SNX29: variants seen among roughly 807,000 people sequenced by gnomAD.
SNX29 encodes the protein sorting nexin 29.
A neutral mutation model predicts 102.1 loss-of-function variants in SNX29; 78 were observed. The observed-to-expected ratio is 0.76, with a 90% confidence interval of 0.64 to 0.92. The LOEUF (loss-of-function observed/expected upper bound fraction) is 0.92, where lower values mean the gene tolerates loss of function less well. Among genes scored for constraint, SNX29 ranks in the 40% least tolerant of loss-of-function variants. The pLI is 0.00. For synonymous variants in SNX29, 580 were observed against 414.5 expected (o/e 1.40, Z -4.85); for missense variants, 1,280 against 1,061.7 (o/e 1.21, Z -2.86).
rs531497842 is a variant in SNX29, at chr16:12,356,289, T to C, written c.1899+10T>C. On this transcript the variant is annotated intron_variant, in intron 16 of 20. Transcript: ENST00000566228. ...CGATCTCCGGGGACCGGTGAGTGTT[T>C]CCCCAACCCTGTGTGTCTGTCAAGC... is the stretch of plus-strand genomic sequence containing the variant. The C allele has an allele frequency of 1.3e-6, 2 of 1,585,534 alleles. No homozygotes were observed. The highest frequency in any genetic ancestry group is 1.7e-6 in the Non-Finnish European group (2 of 1,166,332).
chr16:12,357,812 C>G (rs982427298), intron 16 of SNX29, among the ~76,000 whole-genome samples: 2 of 152,220 alleles, frequency 1.3e-5, no homozygotes, highest in Non-Finnish European at 2.9e-5. Flanking sequence ...CTCTCCCCTT[C>G]TCTCTCATAA....
chr16:12,066,948 T>A (rs1403649134), intron 9 of SNX29, among the ~76,000 whole-genome samples: 8 of 151,262 alleles, frequency 5.3e-5, no homozygotes, highest in Admixed American at 1.3e-4. Flanking sequence ...AGTTTGAGAC[T>A]GGTCTGGGCA....
intron 19 of SNX29, among the ~76,000 whole-genome samples, chr16:12,479,506 C>T (rs1207964024): frequency 6.6e-6 from 1 of 152,200 alleles, no homozygotes; most frequent in African/African-American, 2.4e-5. Context: ...AGGTTTATCC[C>T]AGGCCCAGAA....
chr16:12,511,879 C>G (rs11648795), intron 19 of SNX29, among the ~76,000 whole-genome samples: 17,151 of 152,006 alleles, frequency 0.11, 1,059 homozygotes, highest in Middle Eastern at 0.13. Flanking sequence ...AGAGTTCATT[C>G]TAGGTGGACC....
chr16:12,077,385 TG>T (rs1221022268), intron 10 of SNX29, among the ~76,000 whole-genome samples: 2 of 117,852 alleles, frequency 1.7e-5, no homozygotes, highest in Non-Finnish European at 1.7e-5. Flanking sequence ...CTCCTAGTCA[TG>T]GTGTGTGTGT....
At chr16:12,405,338 C>G (rs1011598193) in intron 18 of SNX29, among the ~76,000 whole-genome samples, 1 of 152,180 alleles carries the variant, frequency 6.6e-6, no homozygotes, top group African/African-American at 2.4e-5. Context: ...AGCAAATATG[C>G]CGTTGCCTGG....
chr16:12,239,709 A>T (rs1011957707), intron 14 of SNX29, among the ~76,000 whole-genome samples: 5 of 149,914 alleles, frequency 3.3e-5, no homozygotes, highest in African/African-American at 4.9e-5. Context: ...GGTCCCAGCT[A>T]CTCGGGAGGC....
At chr16:12,100,238 C>T (rs770687687) in intron 11 of SNX29, among the ~76,000 whole-genome samples, 2 of 152,160 alleles carry the variant, frequency 1.3e-5, no homozygotes, top group Admixed American at 6.6e-5. Flanking sequence ...GTCTCCACTG[C>T]GGCACTGTCG....
intron 13 of SNX29, among the ~76,000 whole-genome samples, chr16:12,133,293 T>G (rs926779857): frequency 9.4e-5 from 13 of 137,972 alleles, no homozygotes; most frequent in African/African-American, 3.2e-4. Flanking sequence ...TTTTTTTTTT[T>G]TTTTTTTTTT....
In SNX29 at chr16:12,568,766, A is replaced by C. The variant is rs1174574361; in HGVS notation, c.*137A>C. 7.6e-7 allele frequency: 1 copy of C among 1,311,102 alleles called. No individual in the cohort carries two copies. The highest frequency in any genetic ancestry group is 2.5e-5 in the Admixed American group (1 of 39,436). The allele number at this position is 1,311,102 out of a possible 1,614,324, so 81.2% of individuals were successfully genotyped here. A position where few individuals can be genotyped will look rare whatever the true frequency, so the allele number is the denominator to read the frequency against. On this transcript the variant is annotated 3_prime_UTR_variant, in exon 21 of 21. Coordinates refer to ENST00000566228, the MANE Select transcript of SNX29 (RefSeq NM_032167.5). The stretch of plus-strand genomic sequence containing the variant: ...TGAGAGCACACGATTCCCAACAGTT[A>C]CACAACACCCCGATTAAACTAATCA...
rs529598700 is a variant in SNX29, at chr16:12,537,888, G to C, written c.2318+13047G>C. ...TAGTCCCAGCTTTTTGGGACGCTAA[G>C]GCAGGAGAGTCACTGGAACCCAGGA... On this transcript the variant is annotated intron_variant, in intron 20 of 20. Transcript: ENST00000566228. 3.5e-4 allele frequency among the ~76,000 whole-genome samples: 53 copies of C among 151,886 alleles called. No homozygotes were observed. In the South Asian group the frequency reaches 0.01, roughly 29 times the overall value.
At chr16:12,196,731 C>A (rs1241237000) in intron 13 of SNX29, among the ~76,000 whole-genome samples, 1 of 147,624 alleles carries the variant, frequency 6.8e-6, no homozygotes, top group African/African-American at 2.5e-5. Flanking sequence ...AGCAATTCTT[C>A]TGCCTCAGCC....
At chr16:12,348,857 T>C (rs1032793130) in intron 15 of SNX29, among the ~76,000 whole-genome samples, 2 of 152,156 alleles carry the variant, frequency 1.3e-5, no homozygotes, top group Non-Finnish European at 2.9e-5. Flanking sequence ...CCAGGGGAGT[T>C]GTAGGGTACA....
chr16:12,375,541 C>T (rs1481890693), intron 16 of SNX29: 2 of 152,192 alleles, frequency 1.3e-5, no homozygotes, highest in African/African-American at 4.8e-5. Context: ...GATCTGCGTC[C>T]AAGCTAACCC....
chr16:12,481,553 C>T (rs182819318), intron 19 of SNX29, among the ~76,000 whole-genome samples: 2 of 124,846 alleles, frequency 1.6e-5, no homozygotes, highest in East Asian at 4.1e-4. Context: ...CACACACACA[C>T]ACCCCAAATG....
chr16:12,273,633 C>T (rs2079157793), intron 14 of SNX29, among the ~76,000 whole-genome samples: 1 of 152,184 alleles, frequency 6.6e-6, no homozygotes. Flanking sequence ...GCTGGGATTA[C>T]AGGCGTGAGC....
chr16:12,436,924 A>C (rs1268296105), intron 18 of SNX29, among the ~76,000 whole-genome samples: 1 of 152,236 alleles, frequency 6.6e-6, no homozygotes, highest in East Asian at 1.9e-4. Flanking sequence ...AAGTGCTGGG[A>C]TTACAGGCAT....
intron 16 of SNX29, among the ~76,000 whole-genome samples, chr16:12,369,048 C>T (rs773978901): frequency 6.6e-6 from 1 of 152,124 alleles, no homozygotes; most frequent in Non-Finnish European, 1.5e-5. Context: ...AGAAACTGCC[C>T]CCAGACTCCA....
intron 18 of SNX29, among the ~76,000 whole-genome samples, chr16:12,459,100 C>T (rs1327748027): frequency 7.7e-6 from 1 of 129,166 alleles, no homozygotes; most frequent in African/African-American, 3.0e-5. Context: ...CTCCTCCCAC[C>T]GTTTCACTCT....
Sources: allele counts gnomAD v4.1 joint callset (sites outside exome capture counted in the v4.1 genomes callset), GRCh38; gene constraint gnomAD v4.1.1; transcripts MANE v1.5; gene names NCBI Gene and HGNC (gene_info 2026-07-23, HGNC 2026-07-21).